The following PLCZ1 variants were observed in gnomAD, a reference collection of about 807,000 sequenced individuals.
The protein encoded by PLCZ1 is 1-phosphatidylinositol 4,5-bisphosphate phosphodiesterase zeta-1.
Under a neutral mutation model 76.8 loss-of-function variants are expected in PLCZ1, and 64 were observed. The ratio of observed to expected loss-of-function variants is 0.83; its 90% confidence interval spans 0.68 to 1.03. The LOEUF is 1.03. Ranked by LOEUF, PLCZ1 falls within the 50% of genes least tolerant of loss-of-function variation. The probability of loss-of-function intolerance (pLI) is 0.00; values close to 1 mark genes in which losing one functional copy is unlikely to be tolerated. For missense variants in PLCZ1, 751 were observed against 713.7 expected, an observed-to-expected ratio of 1.05 and a Z score of -0.60; for synonymous variants, 248 against 230.8, an observed-to-expected ratio of 1.07 and a Z score of -0.68.
chr12:18,733,380 T>G (rs908970736), intron 3 of PLCZ1, among the ~76,000 whole-genome samples: 1 of 152,210 alleles, frequency 6.6e-6, no homozygotes, highest in Admixed American at 6.5e-5. Flanking sequence ...TGCAAATATT[T>G]TCTTTTATTC....
intron 12 of PLCZ1, chr12:18,693,940 T>C: frequency 1.3e-6 from 2 of 1,521,624 alleles, no homozygotes; most frequent in African/African-American, 1.4e-5. Context: ...TGGCTAAAGA[T>C]GACCTCTCTG....
chr12:18,705,934 A>G (rs2137323355), intron 6 of PLCZ1, among the ~76,000 whole-genome samples: 1 of 148,774 alleles, frequency 6.7e-6, no homozygotes, highest in Middle Eastern at 3.8e-3. Context: ...AGACCAATTA[A>G]GAAGAAGGCA....
intron 3 of PLCZ1, among the ~76,000 whole-genome samples, chr12:18,735,041 G>A (rs1234120246): frequency 6.6e-6 from 1 of 152,064 alleles, no homozygotes; most frequent in Non-Finnish European, 1.5e-5. Flanking sequence ...TTCTGTTAAT[G>A]TGGTGTATCA....
intron 3 of PLCZ1, among the ~76,000 whole-genome samples, chr12:18,729,383 C>A (rs1287560606): frequency 6.6e-6 from 1 of 151,956 alleles, no homozygotes; most frequent in East Asian, 1.9e-4. Context: ...CCTGTATTAC[C>A]CACGAGATAT....
intron 3 of PLCZ1, among the ~76,000 whole-genome samples, chr12:18,724,725 T>C (rs1038991129): frequency 3.3e-5 from 5 of 152,176 alleles, no homozygotes; most frequent in Non-Finnish European, 5.9e-5. Context: ...TGGAAGCGGA[T>C]GTTATAGAAT....
the PLCZ1 span, among the ~76,000 whole-genome samples, chr12:18,658,642 G>A: frequency 2.6e-5 from 4 of 152,178 alleles, no homozygotes; most frequent in Admixed American, 6.5e-5. Flanking sequence ...ATAAATAATA[G>A]CATTAAAGTA....
At chr12:18,688,667 T>C (rs1953565632) in intron 12 of PLCZ1, among the ~76,000 whole-genome samples, 2 of 152,000 alleles carry the variant, frequency 1.3e-5, no homozygotes, top group African/African-American at 4.8e-5. Context: ...CAAAATCAGT[T>C]ATTTCATATG....
intron 1 of PLCZ1, 145 bp from the exon 2 acceptor site, chr12:18,737,654 C>A: frequency 1.8e-6 from 1 of 542,402 alleles, no homozygotes; most frequent in Non-Finnish European, 3.3e-6. Flanking sequence ...ACGTTCTGAC[C>A]ACCTCCAAAC....
At chr12:18,645,812 T>G in the PLCZ1 span, among the ~76,000 whole-genome samples, 3 of 152,182 alleles carry the variant, frequency 2.0e-5, no homozygotes, top group Non-Finnish European at 4.4e-5. Context: ...ATTGATATGT[T>G]TTTTAAAAAC....
intron 5 of PLCZ1, among the ~76,000 whole-genome samples, chr12:18,718,449 C>A (rs1429908621): frequency 6.6e-6 from 1 of 152,150 alleles, no homozygotes; most frequent in African/African-American, 2.4e-5. Context: ...CCATGCTCTA[C>A]AAGATCCTCA....
the PLCZ1 span, among the ~76,000 whole-genome samples, chr12:18,648,997 G>A: frequency 6.6e-6 from 1 of 152,052 alleles, no homozygotes; most frequent in Non-Finnish European, 1.5e-5. Flanking sequence ...ATATGAGCAT[G>A]TAAATGTATT....
At chr12:18,666,992 C>G in the PLCZ1 span, among the ~76,000 whole-genome samples, 2 of 152,112 alleles carry the variant, frequency 1.3e-5, no homozygotes, top group African/African-American at 2.4e-5. Context: ...CAATCATGGC[C>G]TAGAACTAAA....
chr12:18,665,912 G>A, the PLCZ1 span, among the ~76,000 whole-genome samples: 1 of 148,048 alleles, frequency 6.8e-6, no homozygotes, highest in Non-Finnish European at 1.5e-5. Context: ...TCCAGCCTGG[G>A]TGACAGAGAT....
At chr12:18,650,074 C>T in the PLCZ1 span, among the ~76,000 whole-genome samples, 1 of 152,006 alleles carries the variant, frequency 6.6e-6, no homozygotes, top group African/African-American at 2.4e-5. Context: ...CAGAATACCT[C>T]CCAGATTCCA....
chr12:18,690,318 G>T (rs1274289955), intron 12 of PLCZ1, among the ~76,000 whole-genome samples: 1 of 152,076 alleles, frequency 6.6e-6, no homozygotes, highest in Non-Finnish European at 1.5e-5. Context: ...CTGCCTCCTG[G>T]ATTCAAGCGA....
chr12:18,648,820 A>G, the PLCZ1 span, among the ~76,000 whole-genome samples: 1 of 152,288 alleles, frequency 6.6e-6, no homozygotes, highest in Non-Finnish European at 1.5e-5. Flanking sequence ...CCACCTGCAC[A>G]GTGGGTAAAA....
At chr12:18,688,290 G>C (rs1395791688) in intron 12 of PLCZ1, 72 bp from the exon 13 acceptor site, 1 of 1,482,218 alleles carries the variant, frequency 6.7e-7, no homozygotes, top group Admixed American at 1.9e-5. Context: ...TCAAAATTAA[G>C]TTATGTATTA....
At chr12:18,702,953 T>C (rs575717211) in intron 7 of PLCZ1, among the ~76,000 whole-genome samples, 1 of 151,560 alleles carries the variant, frequency 6.6e-6, no homozygotes, top group South Asian at 2.1e-4. Context: ...CCCAAGTAGC[T>C]GGGATTACAG....
chr12:18,692,467 TA>T (rs1344362966), intron 12 of PLCZ1, among the ~76,000 whole-genome samples: 9 of 152,186 alleles, frequency 5.9e-5, no homozygotes, highest in African/African-American at 2.2e-4. Flanking sequence ...GAAAAGTCTT[TA>T]CTAATGGAAA....
Sources: allele counts gnomAD v4.1 joint callset (sites outside exome capture counted in the v4.1 genomes callset), GRCh38; gene constraint gnomAD v4.1.1; transcripts MANE v1.5; gene names NCBI Gene and HGNC (gene_info 2026-07-23, HGNC 2026-07-21).